PCGF5: variants seen among roughly 807,000 people sequenced by gnomAD.
PCGF5 encodes the protein polycomb group ring finger 5.
A neutral mutation model predicts 44.3 loss-of-function variants in PCGF5; 9 were observed. That is an observed-to-expected ratio of 0.20 (90% CI 0.12 to 0.35). The LOEUF is 0.35. PCGF5 is among the 10% of genes least tolerant of loss of function. PCGF5 has a pLI of 1.00. For synonymous variants in PCGF5, 95 were observed against 102.5 expected, an observed-to-expected ratio of 0.93 and a Z score of 0.44; for missense variants, 146 against 305.3, an observed-to-expected ratio of 0.48 and a Z score of 3.89.
At chr10:91,159,030 C>T (rs1485708082), upstream of PCGF5, among the ~76,000 whole-genome samples, 1 of 152,158 alleles carries the variant, frequency 6.6e-6, no homozygotes, top group African/African-American at 2.4e-5. Context: ...AAGCAGGAAG[C>T]AGGAAGCAGG....
chr10:91,242,289 C>CTAT (rs1308628342), intron 3 of PCGF5, among the ~76,000 whole-genome samples: 4 of 151,312 alleles, frequency 2.6e-5, no homozygotes, highest in Non-Finnish European at 4.4e-5. Flanking sequence ...AGTAAGGAAA[C>CTAT]TGAATAAAGC....
At chr10:91,227,989 T>C in intron 2 of PCGF5, 1 of 921,206 alleles carries the variant, frequency 1.1e-6, no homozygotes, top group Non-Finnish European at 1.3e-6. Flanking sequence ...CTTTCAAAGA[T>C]TCAAATGCAG....
At chr10:91,226,369 C>G (rs186037840) in intron 2 of PCGF5, among the ~76,000 whole-genome samples, 86 of 147,512 alleles carry the variant, frequency 5.8e-4, no homozygotes, top group African/African-American at 2.0e-3. Context: ...AGATGTGTAT[C>G]AGGATACTGG....
chr10:91,220,186 C>T (rs1197420005), upstream of PCGF5: 2 of 148,498 alleles, frequency 1.3e-5, no homozygotes, highest in Non-Finnish European at 3.0e-5. Flanking sequence ...TGTCAACGAC[C>T]ATGATCTCTG....
intron 5 of PCGF5, among the ~76,000 whole-genome samples, chr10:91,248,983 T>C (rs1845547836): frequency 6.6e-6 from 1 of 152,024 alleles, no homozygotes. Context: ...AAAGAGAAGA[T>C]TGGCTAGGTG....
chr10:91,161,681 T>A (rs115504314), upstream of PCGF5, among the ~76,000 whole-genome samples: 4 of 152,178 alleles, frequency 2.6e-5, no homozygotes, highest in Non-Finnish European at 5.9e-5. Context: ...GGAGGAGATA[T>A]AGAGACGCAG....
chr10:91,248,924 G>T (rs1845545997), intron 5 of PCGF5, among the ~76,000 whole-genome samples, 200 bp downstream of exon 5: 1 of 152,002 alleles, frequency 6.6e-6, no homozygotes, highest in South Asian at 2.1e-4. Flanking sequence ...TTTAGTGAGG[G>T]TAATTGGAAA....
At chr10:91,206,365 A>G (rs1365506056) in intron 1 of PCGF5, among the ~76,000 whole-genome samples, 1 of 152,214 alleles carries the variant, frequency 6.6e-6, no homozygotes, top group East Asian at 1.9e-4. Context: ...CATGTCAGCC[A>G]TGATAAGCCA....
At chr10:91,243,744 T>A (rs1356140930) in intron 3 of PCGF5, among the ~76,000 whole-genome samples, 1 of 152,206 alleles carries the variant, frequency 6.6e-6, no homozygotes, top group African/African-American at 2.4e-5. Flanking sequence ...AACTTTATTG[T>A]TCAATAAATA....
intron 7 of PCGF5, among the ~76,000 whole-genome samples, chr10:91,263,049 T>C (rs1176044044): frequency 6.6e-6 from 1 of 152,224 alleles, no homozygotes; most frequent in Non-Finnish European, 1.5e-5. Flanking sequence ...TTCAGTACGC[T>C]GACACCTCCT....
At chr10:91,273,650 T>C (rs66727333) in intron 9 of PCGF5, among the ~76,000 whole-genome samples, 5,660 of 152,222 alleles carry the variant, frequency 0.037, 148 homozygotes, top group Middle Eastern at 0.085. Flanking sequence ...ATTCCTATGC[T>C]GTATCTATTG....
rs190457202 is a variant in PCGF5, at chr10:91,182,999, G to A, written c.-184+19918G>A. ...CAAGAGACTGTTTGTTACTATTTCAGTTCTTTTGCTTTTGCTGAAGAGTGT... is the reference window on the plus strand; with the variant it reads ...CAAGAGACTGTTTGTTACTATTTCAATTCTTTTGCTTTTGCTGAAGAGTGT... On this transcript the variant is annotated intron_variant, in intron 1 of 9. Transcript: ENST00000614189. Among the ~76,000 whole-genome samples the A allele has an allele frequency of 3.9e-5, 6 of 152,202 alleles. No individual in the cohort carries two copies. The East Asian group carries it at 1.2e-3, about 29-fold the overall frequency.
At chr10:91,188,134 A>G (rs1367865518) in intron 1 of PCGF5, among the ~76,000 whole-genome samples, 2 of 152,238 alleles carry the variant, frequency 1.3e-5, no homozygotes, top group Non-Finnish European at 2.9e-5. Flanking sequence ...AGTGACGCAG[A>G]AGACGGGTGA....
In PCGF5 at chr10:91,247,577, GA is replaced by G. The variant is rs754000160; in HGVS notation, c.210-927del. ...AGTAATGTTGTTGAGCAGGATGAAG[GA>G]GATGAGGCAGGAAGGGGGTGTTGTG... On this transcript the variant is annotated intron_variant, in intron 3 of 9. Coordinates refer to ENST00000336126, the MANE Select transcript of PCGF5 (RefSeq NM_032373.5). Among the ~76,000 whole-genome samples the G allele has an allele frequency of 6.6e-5, 10 of 151,306 alleles. No homozygotes were observed. In the East Asian group the frequency reaches 1.6e-3, roughly 24 times the overall value.
chr10:91,201,682 A>G (rs1844254652), intron 1 of PCGF5, among the ~76,000 whole-genome samples: 1 of 151,850 alleles, frequency 6.6e-6, no homozygotes, highest in Non-Finnish European at 1.5e-5. Flanking sequence ...CACTACTGTA[A>G]CACCTCATTT....
chr10:91,224,715 C>T (rs1183102574), intron 2 of PCGF5, among the ~76,000 whole-genome samples: 1 of 151,952 alleles, frequency 6.6e-6, no homozygotes, highest in Non-Finnish European at 1.5e-5. Flanking sequence ...TACACTTGGC[C>T]AGTTTAAGGA....
intron 1 of PCGF5, among the ~76,000 whole-genome samples, chr10:91,202,726 A>G (rs956379779): frequency 1.3e-5 from 2 of 152,188 alleles, no homozygotes; most frequent in African/African-American, 4.8e-5. Context: ...ATAGTAAGTT[A>G]TTTTCAATGT....
intron 3 of PCGF5, among the ~76,000 whole-genome samples, chr10:91,242,278 C>T (rs1334031508): frequency 2.0e-5 from 3 of 151,230 alleles, no homozygotes; most frequent in Admixed American, 6.6e-5. Context: ...AGTAGTACTG[C>T]AGTAAGGAAA....
chr10:91,257,460 C>A (rs887224961), intron 6 of PCGF5, among the ~76,000 whole-genome samples: 12 of 151,808 alleles, frequency 7.9e-5, no homozygotes, highest in African/African-American at 2.7e-4. Flanking sequence ...GTAGTCCCCC[C>A]CTTATCTGTG....
Sources: gnomAD v4.1 joint callset for allele counts (sites outside exome capture counted in the v4.1 genomes callset) on GRCh38, gnomAD v4.1.1 for gene constraint, MANE v1.5 for transcripts, NCBI Gene and HGNC (gene_info 2026-07-23, HGNC 2026-07-21) for gene names.